SPATA13: variants seen among roughly 807,000 people sequenced by gnomAD.
SPATA13 encodes spermatogenesis associated 13, also known as spermatogenesis-associated protein 13.
Under a neutral mutation model 104.0 loss-of-function variants are expected in SPATA13, and 50 were observed. That is an observed-to-expected ratio of 0.48 (90% confidence interval 0.38 to 0.61). SPATA13 has a LOEUF of 0.61. Among genes scored for constraint, SPATA13 ranks in the 20% least tolerant of loss-of-function variants. The pLI, the probability that SPATA13 is intolerant of heterozygous loss-of-function variation, is 0.00. For synonymous variants in SPATA13, 606 were observed against 667.5 expected, an observed-to-expected ratio of 0.91 and a Z score of 1.42; for missense variants, 1,524 against 1,690.6, an observed-to-expected ratio of 0.90 and a Z score of 1.73.
chr13:24,067,795 C>A (rs1049501484), intron 3 of SPATA13, among the ~76,000 whole-genome samples: 4 of 152,102 alleles, frequency 2.6e-5, no homozygotes, highest in Non-Finnish European at 4.4e-5. Flanking sequence ...ACCTCTGCCT[C>A]CCAGGATCAA....
chr13:24,048,491 A>G (rs992526085), intron 3 of SPATA13, among the ~76,000 whole-genome samples: 1 of 152,088 alleles, frequency 6.6e-6, no homozygotes, highest in African/African-American at 2.4e-5. Flanking sequence ...AGGATCTTAC[A>G]TTCATAATTT....
At chr13:24,148,790 G>A (rs1882011695) in intron 3 of SPATA13, among the ~76,000 whole-genome samples, 1 of 152,234 alleles carries the variant, frequency 6.6e-6, no homozygotes. Context: ...AGCAATGAGT[G>A]TGTGTCCAGA....
At chr13:24,198,244 T>C (rs532786721) in intron 1 of SPATA13, among the ~76,000 whole-genome samples, 46 of 152,180 alleles carry the variant, frequency 3.0e-4, no homozygotes, top group East Asian at 9.7e-4. Flanking sequence ...CTGCCCCCCT[T>C]GGCCTCCCAA....
intron 4 of SPATA13, among the ~76,000 whole-genome samples, chr13:24,258,242 A>G (rs560574164): frequency 1.3e-5 from 2 of 151,778 alleles, no homozygotes; most frequent in South Asian, 4.1e-4. Flanking sequence ...TCTCAAAAAA[A>G]AAAAAATAAA....
At chr13:24,288,037 C>T (rs1390273132) in intron 7 of SPATA13, among the ~76,000 whole-genome samples, 2 of 152,170 alleles carry the variant, frequency 1.3e-5, no homozygotes, top group Non-Finnish European at 2.9e-5. Context: ...CCAGCCATCT[C>T]GTTCTGTATG....
chr13:24,176,717 C>T (rs1868455816), intron 1 of SPATA13, among the ~76,000 whole-genome samples: 1 of 152,152 alleles, frequency 6.6e-6, no homozygotes, highest in African/African-American at 2.4e-5. Flanking sequence ...AAGAAGTTCA[C>T]ATATCTAAAT....
In SPATA13 at chr13:24,082,001, G is replaced by A. The variant is rs117284695; in HGVS notation, c.-112+64300G>A. On this transcript the variant is annotated intron_variant, in intron 3 of 14. Coordinates refer to the SPATA13 transcript ENST00000424834. ...TCTATTTATTTCACTGAGTGCTGCT[G>A]TATTGGTCTCGAATGGCTGCACCAT... 7.6e-3 allele frequency among the ~76,000 whole-genome samples: 1,163 copies of A among 152,280 alleles called. 15 individuals carry two copies. Among genetic ancestry groups the A allele is most frequent in the Middle Eastern group, 0.014 (4 of 294 alleles).
At chr13:24,147,429 C>T (rs955310389) in intron 3 of SPATA13, among the ~76,000 whole-genome samples, 1 of 152,156 alleles carries the variant, frequency 6.6e-6, no homozygotes, top group African/African-American at 2.4e-5. Context: ...CTGCCCTACA[C>T]GTTAATGCTG....
chr13:24,184,406 C>G (rs1869015873), intron 1 of SPATA13, among the ~76,000 whole-genome samples: 1 of 152,224 alleles, frequency 6.6e-6, no homozygotes, highest in Admixed American at 6.5e-5. Flanking sequence ...GGCCAAGCAG[C>G]CACCAGCCCA....
rs7319154 is a variant in SPATA13, at chr13:24,251,590, G to A, written c.2020-128G>A. 33 of 1,507,648 alleles carry A rather than the reference G, an allele frequency of 2.2e-5. No individual in the cohort carries two copies. In the African/African-American group the frequency reaches 3.9e-4, roughly 18 times the overall value. 93.4% of individuals were successfully genotyped at this position (1,507,648 alleles called of 1,614,324 possible). On this transcript the variant is annotated intron_variant, in intron 3 of 12. Coordinates refer to ENST00000382108, the MANE Select transcript of SPATA13 (RefSeq NM_001166271.3). Reference sequence around the variant, plus strand: ...TGGGCTTCGGTGCAGCCTGCAACTCGTGGCAGGATTGGAGAAACCATTTCA... The same window carrying A: ...TGGGCTTCGGTGCAGCCTGCAACTCATGGCAGGATTGGAGAAACCATTTCA...
At chr13:24,118,653 G>A (rs535002552) in intron 3 of SPATA13, among the ~76,000 whole-genome samples, 2 of 152,212 alleles carry the variant, frequency 1.3e-5, no homozygotes, top group South Asian at 4.1e-4. Flanking sequence ...GGTGATGCTG[G>A]TGCAGTAGCT....
chr13:24,237,655 T>C (rs779114652), intron 2 of SPATA13, among the ~76,000 whole-genome samples: 3 of 151,988 alleles, frequency 2.0e-5, no homozygotes, highest in Non-Finnish European at 2.9e-5. Context: ...TCCCACTGAC[T>C]CATACACCTA....
In SPATA13 at chr13:24,102,632, G is replaced by A. The variant is rs568426440; in HGVS notation, c.-112+84931G>A. On this transcript the variant is annotated intron_variant, in intron 3 of 14. Coordinates refer to the SPATA13 transcript ENST00000424834. ...TGGGATTATAGGTGCCCACCACTAAGCCTGGCTATTTTTGTATTTTTAGTA... is the reference window on the plus strand; with the variant it reads ...TGGGATTATAGGTGCCCACCACTAAACCTGGCTATTTTTGTATTTTTAGTA... Among the ~76,000 whole-genome samples, 344 of 151,972 alleles carry A rather than the reference G, an allele frequency of 2.3e-3. 4 individuals are homozygous for A. Among genetic ancestry groups the A allele is most frequent in the African/African-American group, 7.7e-3 (319 of 41,432 alleles).
intron 12 of SPATA13, among the ~76,000 whole-genome samples, chr13:24,301,005 T>C (rs562174601): frequency 1.0e-3 from 158 of 152,278 alleles, no homozygotes; most frequent in African/African-American, 3.7e-3. Flanking sequence ...CTAATCTCCA[T>C]GCACATTAGA....
At chr13:24,165,231 C>T (rs917102266) in intron 1 of SPATA13, among the ~76,000 whole-genome samples, 48 of 152,258 alleles carry the variant, frequency 3.2e-4, no homozygotes, top group African/African-American at 1.1e-3. Context: ...ATCACGAGAG[C>T]GCAGACATTG....
In SPATA13 at chr13:24,224,297, C is replaced by A. The variant is rs1871798284; in HGVS notation, c.1368C>A (p.Asp456Glu). 3 of 1,551,610 alleles carry A rather than the reference C, an allele frequency of 1.9e-6. No individual in the cohort carries two copies. The highest frequency in any genetic ancestry group is 2.6e-6 in the Non-Finnish European group (3 of 1,147,020). ...DPNAGSQLTF[D>E]PEQPPTPLRP... is the part of the protein sequence containing the mutation. ...ACGCTGGCAGCCAGTTGACATTTGA[C>A]CCTGAGCAGCCTCCCACCCCTCTAA... The change falls in exon 2 of 13, where the codon GAC (aspartate) becomes GAA (glutamate). Residue 456 changes from aspartate (D) to glutamate (E), a missense_variant. Physicochemically the swap from Asp to Glu is conservative, Grantham distance 45 (BLOSUM62 2). Transcript: ENST00000382108.
At chr13:24,131,193 A>G (rs1881380398) in intron 3 of SPATA13, among the ~76,000 whole-genome samples, 1 of 152,236 alleles carries the variant, frequency 6.6e-6, no homozygotes. Flanking sequence ...GAAGAGACAA[A>G]TGTTTATTGG....
At position 24,223,107 on chromosome 13, in the gene SPATA13, A is replaced by G; in HGVS notation, c.178A>G (p.Thr60Ala). ...GVCGCSPGGD[T>A]DTQEAKLSPA... is the part of the protein sequence containing the mutation. ...CTGTGGCTGCAGCCCTGGTGGCGAC[A>G]CGGACACCCAGGAAGCCAAACTCAG... The change falls in exon 2 of 13, where the codon ACG becomes GCG. Residue 60 changes from threonine to alanine, a missense_variant. Coordinates refer to ENST00000382108, the MANE Select transcript of SPATA13 (RefSeq NM_001166271.3). The G allele has an allele frequency of 6.4e-7, 1 of 1,551,724 alleles. No homozygotes were observed.
intron 3 of SPATA13, among the ~76,000 whole-genome samples, chr13:24,094,554 T>C (rs1880010530): frequency 6.6e-6 from 1 of 152,260 alleles, no homozygotes; most frequent in Non-Finnish European, 1.5e-5. Context: ...CCTTATTCTT[T>C]CTTTATGCTT....
Sources: allele counts gnomAD v4.1 joint callset (sites outside exome capture counted in the v4.1 genomes callset), GRCh38; gene constraint gnomAD v4.1.1; transcripts MANE v1.5; gene names NCBI Gene and HGNC (gene_info 2026-07-23, HGNC 2026-07-21).